Variants in PRKD1 observed in about 807,000 individuals in gnomAD.
PRKD1 encodes serine/threonine-protein kinase D1.
Under a neutral mutation model 95.9 loss-of-function variants are expected in PRKD1, and 63 were observed. That is an observed-to-expected ratio of 0.66 (90% confidence interval 0.54 to 0.81). The LOEUF is 0.81. Among genes scored for constraint, PRKD1 ranks in the 30% least tolerant of loss-of-function variants. The pLI is 0.00. For synonymous variants in PRKD1, 425 were observed against 423.1 expected (o/e 1.00, Z -0.05); for missense variants, 1,048 against 1,165.3 (o/e 0.90, Z 1.47).
chr14:29,898,946 T>G (rs1010860162), intron 1 of PRKD1, among the ~76,000 whole-genome samples: 1 of 152,226 alleles, frequency 6.6e-6, no homozygotes, highest in Admixed American at 6.5e-5. Context: ...CTGGCAAATT[T>G]TAATACTCAT....
chr14:29,702,246 G>T (rs1197702575), intron 2 of PRKD1, among the ~76,000 whole-genome samples: 1 of 152,020 alleles, frequency 6.6e-6, no homozygotes, highest in Admixed American at 6.6e-5. Context: ...GAGCTTTTAA[G>T]TTTAATTTCT....
chr14:29,762,727 C>T (rs923654657), intron 1 of PRKD1, among the ~76,000 whole-genome samples: 9 of 152,270 alleles, frequency 5.9e-5, no homozygotes, highest in African/African-American at 1.9e-4. Context: ...GGAAAATAAA[C>T]GTGTGCATAC....
At chr14:29,629,398 G>A (rs997615938) in intron 10 of PRKD1, among the ~76,000 whole-genome samples, 2 of 152,100 alleles carry the variant, frequency 1.3e-5, no homozygotes, top group African/African-American at 2.4e-5. Context: ...AACCTCGCTC[G>A]AGAGACACTG....
intron 1 of PRKD1, among the ~76,000 whole-genome samples, chr14:29,882,552 A>C (rs1365494471): frequency 6.6e-6 from 1 of 152,220 alleles, no homozygotes; most frequent in Middle Eastern, 3.2e-3. Flanking sequence ...TAACCATTTT[A>C]AAGTGTACAG....
chr14:29,901,046 A>G (rs1050692145), intron 1 of PRKD1, among the ~76,000 whole-genome samples: 2 of 152,232 alleles, frequency 1.3e-5, no homozygotes, highest in African/African-American at 2.4e-5. Flanking sequence ...TTACTTGTTC[A>G]CTGCAGTGCT....
chr14:29,777,418 A>G (rs1042058481), intron 1 of PRKD1, among the ~76,000 whole-genome samples: 1 of 152,212 alleles, frequency 6.6e-6, no homozygotes, highest in African/African-American at 2.4e-5. Flanking sequence ...GCAGAGATAC[A>G]CATAGGCTCA....
At chr14:29,646,591 C>T (rs1373309393) in intron 4 of PRKD1, among the ~76,000 whole-genome samples, 2 of 150,108 alleles carry the variant, frequency 1.3e-5, no homozygotes, top group Non-Finnish European at 1.5e-5. Flanking sequence ...CAGGACACTT[C>T]AGTCCTATCA....
intron 1 of PRKD1, among the ~76,000 whole-genome samples, chr14:29,889,868 C>T (rs994985903): frequency 6.6e-6 from 1 of 152,206 alleles, no homozygotes; most frequent in African/African-American, 2.4e-5. Context: ...CATGTGTACC[C>T]TAGAACTTAA....
At chr14:29,824,607 T>A (rs1891039614) in intron 1 of PRKD1, among the ~76,000 whole-genome samples, 1 of 152,154 alleles carries the variant, frequency 6.6e-6, no homozygotes, top group Admixed American at 6.5e-5. Context: ...GTGTGTCAAA[T>A]GATCTTTCAA....
chr14:29,675,875 A>G (rs1433435550), intron 2 of PRKD1, among the ~76,000 whole-genome samples: 4 of 151,510 alleles, frequency 2.6e-5, no homozygotes, highest in Non-Finnish European at 5.9e-5. Context: ...AAACTATCGC[A>G]AGGACAAAAA....
chr14:29,628,672 G>A (rs1160758313), intron 11 of PRKD1, among the ~76,000 whole-genome samples: 1 of 152,016 alleles, frequency 6.6e-6, no homozygotes, highest in Non-Finnish European at 1.5e-5. Context: ...GAGAACAATG[G>A]CATTTTTAAG....
At chr14:29,891,341 C>A (rs1026276882) in intron 1 of PRKD1, among the ~76,000 whole-genome samples, 3 of 152,104 alleles carry the variant, frequency 2.0e-5, no homozygotes, top group Non-Finnish European at 4.4e-5. Flanking sequence ...TGGTGACAGC[C>A]TCTGTCCAAT....
intron 1 of PRKD1, among the ~76,000 whole-genome samples, chr14:29,726,961 G>A (rs1023880043): frequency 1.3e-5 from 2 of 152,068 alleles, no homozygotes; most frequent in Non-Finnish European, 2.9e-5. Context: ...CTAGATCCCT[G>A]AGGAATCGCC....
intron 1 of PRKD1, among the ~76,000 whole-genome samples, chr14:29,876,673 A>G (rs1893301167): frequency 6.6e-6 from 1 of 151,892 alleles, no homozygotes; most frequent in Non-Finnish European, 1.5e-5. Context: ...GCCAAACTCT[A>G]GTATCTATTT....
intron 1 of PRKD1, among the ~76,000 whole-genome samples, chr14:29,914,874 G>A (rs908238581): frequency 9.2e-5 from 14 of 151,794 alleles, no homozygotes; most frequent in Middle Eastern, 3.4e-3. Flanking sequence ...CCGGGTTCAC[G>A]CCATCCAGGC....
intron 1 of PRKD1, among the ~76,000 whole-genome samples, chr14:29,760,287 C>T (rs186601034): frequency 5.3e-5 from 8 of 151,500 alleles, no homozygotes; most frequent in Non-Finnish European, 1.0e-4. Flanking sequence ...ATTAAAACAG[C>T]GTCTGGATTT....
At chr14:29,819,669 G>A (rs1204094864) in intron 1 of PRKD1, among the ~76,000 whole-genome samples, 3 of 151,952 alleles carry the variant, frequency 2.0e-5, no homozygotes, top group Admixed American at 6.6e-5. Flanking sequence ...CAGCCTGGGC[G>A]ACAGAGTGAG....
chr14:29,856,886 G>C (rs1372518331), intron 1 of PRKD1, among the ~76,000 whole-genome samples: 2 of 152,194 alleles, frequency 1.3e-5, no homozygotes, highest in African/African-American at 4.8e-5. Flanking sequence ...GTCACTTGGT[G>C]ATCCTGAGTT....
intron 4 of PRKD1, among the ~76,000 whole-genome samples, chr14:29,641,110 T>C (rs1880730149): frequency 1.3e-5 from 2 of 152,148 alleles, no homozygotes; most frequent in Non-Finnish European, 2.9e-5. Flanking sequence ...AAAAAGAAAT[T>C]AGCTGTCACT....
Sources: gnomAD v4.1 joint callset for allele counts (sites outside exome capture counted in the v4.1 genomes callset) on GRCh38, gnomAD v4.1.1 for gene constraint, MANE v1.5 for transcripts, NCBI Gene and HGNC (gene_info 2026-07-23, HGNC 2026-07-21) for gene names.